The following CCM2 variants were observed in gnomAD, a reference collection of about 807,000 sequenced individuals.
The protein encoded by CCM2 is cerebral cavernous malformations 2 protein.
In CCM2, 25 loss-of-function variants were observed where a neutral mutation model predicts 44.9. That is an observed-to-expected ratio of 0.56 (90% CI 0.41 to 0.78). The LOEUF (loss-of-function observed/expected upper bound fraction) is 0.78, where lower values mean the gene tolerates loss of function less well. Ranked by LOEUF, CCM2 falls within the 30% of genes least tolerant of loss-of-function variation. The pLI is 0.00. For missense variants in CCM2, 481 were observed against 580.6 expected (o/e 0.83, Z 1.76); for synonymous variants, 219 against 241.1 (o/e 0.91, Z 0.85).
At chr7:45,023,477 G>A (rs1027057640) in intron 1 of CCM2, among the ~76,000 whole-genome samples, 1 of 152,206 alleles carries the variant, frequency 6.6e-6, no homozygotes, top group Non-Finnish European at 1.5e-5. Context: ...TTGAACTTGG[G>A]AGGTGGAGGT....
intron 1 of CCM2, among the ~76,000 whole-genome samples, chr7:45,030,693 G>A (rs1303467177): frequency 2.0e-5 from 3 of 152,120 alleles, no homozygotes; most frequent in East Asian, 3.9e-4. Flanking sequence ...GGAATTACAG[G>A]TGTGAGCCAC....
intron 2 of CCM2, among the ~76,000 whole-genome samples, chr7:45,055,040 A>G (rs1230739549): frequency 6.6e-6 from 1 of 152,262 alleles, no homozygotes; most frequent in African/African-American, 2.4e-5. Flanking sequence ...TCATCCCTAT[A>G]GGAAGAAAGT....
intron 1 of CCM2, among the ~76,000 whole-genome samples, chr7:45,021,850 C>A (rs959922697): frequency 1.4e-4 from 22 of 152,164 alleles, no homozygotes; most frequent in African/African-American, 5.3e-4. Flanking sequence ...TGTCTTCTCA[C>A]AGTTTTGCAC....
At chr7:45,072,640 C>T in intron 6 of CCM2, 86 bp from the exon 7 acceptor site, 1 of 1,033,986 alleles carries the variant, frequency 9.7e-7, no homozygotes, top group Non-Finnish European at 1.5e-6. Context: ...CCGCTGTCTC[C>T]TGTAAATACA....
chr7:45,037,769 A>T (rs1009114810), intron 1 of CCM2, among the ~76,000 whole-genome samples: 6 of 151,854 alleles, frequency 4.0e-5, no homozygotes, highest in Non-Finnish European at 5.9e-5. Context: ...CAGTGTCCCC[A>T]CTTGGAGTGT....
At chr7:45,017,519 A>G (rs1432817819) in intron 1 of CCM2, among the ~76,000 whole-genome samples, 2 of 152,242 alleles carry the variant, frequency 1.3e-5, no homozygotes. Flanking sequence ...TGCTAGAGAA[A>G]AAGAAGAACC....
intron 1 of CCM2, among the ~76,000 whole-genome samples, chr7:45,022,952 G>C (rs1796539082): frequency 6.6e-6 from 1 of 151,286 alleles, no homozygotes; most frequent in Non-Finnish European, 1.5e-5. Context: ...TGTTGACCAG[G>C]TTGGTCTCGA....
At chr7:45,042,356 A>G (rs1797553419) in intron 2 of CCM2, among the ~76,000 whole-genome samples, 1 of 152,082 alleles carries the variant, frequency 6.6e-6, no homozygotes, top group Admixed American at 6.5e-5. Context: ...AGAGAGGAGA[A>G]AGAGGGAAGG....
chr7:45,061,210 C>G (rs985914870), intron 2 of CCM2, among the ~76,000 whole-genome samples: 9 of 152,284 alleles, frequency 5.9e-5, no homozygotes, highest in Admixed American at 5.9e-4. Context: ...AGGAAGTGTT[C>G]TGTAGTCCTG....
chr7:45,039,515 C>G (rs992959415), intron 2 of CCM2, among the ~76,000 whole-genome samples: 3 of 152,144 alleles, frequency 2.0e-5, no homozygotes, highest in Admixed American at 2.0e-4. Flanking sequence ...CAAACACAGG[C>G]AGCTGAGTAT....
chr7:45,029,699 G>A (rs1207066129), intron 1 of CCM2, among the ~76,000 whole-genome samples: 1 of 152,196 alleles, frequency 6.6e-6, no homozygotes, highest in African/African-American at 2.4e-5. Context: ...CAAGTGAGCT[G>A]ATAATGTTGA....
chr7:45,043,875 T>A (rs1797630398), intron 2 of CCM2, among the ~76,000 whole-genome samples: 1 of 152,202 alleles, frequency 6.6e-6, no homozygotes, highest in Non-Finnish European at 1.5e-5. Context: ...TGAATTAAAT[T>A]GTTTGTTTCT....
chr7:45,072,846 T>C, intron 7 of CCM2, 63 bp downstream of exon 7: 2 of 1,378,352 alleles, frequency 1.5e-6, no homozygotes, highest in Non-Finnish European at 1.0e-6. Flanking sequence ...TCTGGTGTTG[T>C]CCAGGCTGCA....
intron 1 of CCM2, among the ~76,000 whole-genome samples, chr7:45,012,754 G>A (rs1044503596): frequency 2.0e-5 from 3 of 151,058 alleles, no homozygotes; most frequent in East Asian, 1.9e-4. Context: ...GTCTCACTAT[G>A]TTGCCCAGGT....
At position 45,064,530 on chromosome 7, in the gene CCM2, A is replaced by C. The variant is rs750889112; in HGVS notation, c.356A>C (p.Asn119Thr). 3.1e-6 allele frequency: 5 copies of C among 1,613,794 alleles called. No individual in the cohort carries two copies. The highest frequency in any genetic ancestry group is 4.2e-6 in the Non-Finnish European group (5 of 1,179,986). Residue 119 changes from asparagine to threonine, a missense_variant, in exon 4 of 10, where the codon AAC (asparagine) becomes ACC (threonine). By Grantham distance (65) the Asn-to-Thr change is moderately conservative. Transcript: ENST00000258781. ...GCTGTGCTCAGCCTGTCTGCGTACA[A>C]CGTCAAGCTGGCCTGGAGGGACGGG... ...HDAVLSLSAYNVKLAWRDGED... is the reference protein window; with the variant it reads ...HDAVLSLSAYTVKLAWRDGED...
chr7:45,039,352 C>T (rs572264162), intron 2 of CCM2, among the ~76,000 whole-genome samples: 2 of 152,320 alleles, frequency 1.3e-5, no homozygotes, highest in East Asian at 3.9e-4. Context: ...CCAGGCCTTT[C>T]CCACAAAGGA....
At chr7:45,021,060 G>T (rs1014040659) in intron 1 of CCM2, among the ~76,000 whole-genome samples, 2 of 152,252 alleles carry the variant, frequency 1.3e-5, no homozygotes, top group Non-Finnish European at 1.5e-5. Flanking sequence ...AGAATATCGA[G>T]TGCTGTGTCA....
At chr7:45,022,949 C>G (rs574600494) in intron 1 of CCM2, among the ~76,000 whole-genome samples, 1 of 151,544 alleles carries the variant, frequency 6.6e-6, no homozygotes, top group East Asian at 2.0e-4. Context: ...CCATGTTGAC[C>G]AGGTTGGTCT....
chr7:45,014,044 C>T (rs1223086529), intron 1 of CCM2, among the ~76,000 whole-genome samples: 1 of 152,098 alleles, frequency 6.6e-6, no homozygotes. Context: ...TCTCTAGTAT[C>T]CTTATTTATT....
Sources: gnomAD v4.1 joint callset for allele counts (sites outside exome capture counted in the v4.1 genomes callset) on GRCh38, gnomAD v4.1.1 for gene constraint, MANE v1.5 for transcripts, NCBI Gene and HGNC (gene_info 2026-07-23, HGNC 2026-07-21) for gene names.